PALD1: variants seen among roughly 807,000 people sequenced by gnomAD.
PALD1 encodes the protein paladin.
A neutral mutation model predicts 96.0 loss-of-function variants in PALD1; 57 were observed. The ratio of observed to expected loss-of-function variants is 0.59; its 90% confidence interval spans 0.48 to 0.74. The LOEUF is 0.74. Among genes scored for constraint, PALD1 ranks in the 30% least tolerant of loss-of-function variants. The pLI is 0.00. For synonymous variants in PALD1, 464 were observed against 473.6 expected (o/e 0.98, Z 0.26); for missense variants, 1,063 against 1,143.7 (o/e 0.93, Z 1.02).
At chr10:70,497,660 G>A (rs754594933) in intron 1 of PALD1, among the ~76,000 whole-genome samples, 1 of 151,070 alleles carries the variant, frequency 6.6e-6, no homozygotes, top group Non-Finnish European at 1.5e-5. Flanking sequence ...TCTGCCTCCC[G>A]AGTTCAAGCG....
At chr10:70,564,223 C>A in intron 18 of PALD1, 141 bp from the exon 19 acceptor site, 2 of 854,904 alleles carry the variant, frequency 2.3e-6, no homozygotes, top group Non-Finnish European at 3.6e-6. Flanking sequence ...CATTGCTTGT[C>A]CTGTAACCCA....
chr10:70,541,075 G>A, intron 15 of PALD1, 27 bp from the exon 16 acceptor site: 2 of 1,570,968 alleles, frequency 1.3e-6, no homozygotes, highest in Non-Finnish European at 1.7e-6. Context: ...GACGCCCGCT[G>A]ACCCAGACCT....
rs1269952697 is a variant in PALD1, at chr10:70,498,875, C to T, written c.-30+19816C>T. On this transcript the variant is annotated intron_variant, in intron 1 of 19. Coordinates refer to ENST00000263563, the MANE Select transcript of PALD1 (RefSeq NM_014431.3). ...CCTAGGAGGCAGAAGTTACAGTGAG[C>T]CAAGATCGCCCCATTGCACTCCAGA... Among the ~76,000 whole-genome samples the T allele has an allele frequency of 2.6e-5, 4 of 151,534 alleles. 1 individual carries two copies. The highest frequency in any genetic ancestry group is 4.2e-4 in the South Asian group (2 of 4,796).
In PALD1 at chr10:70,498,428, T is replaced by C. The variant is rs114105950; in HGVS notation, c.-30+19369T>C. ...CCAAGTAGCTGGGACCACAGGAGTG[T>C]GCGCCACACCTGGCTAATCTTTAAA... On this transcript the variant is annotated intron_variant, in intron 1 of 19. Transcript: ENST00000263563. 9.1e-3 allele frequency among the ~76,000 whole-genome samples: 1,390 copies of C among 152,182 alleles called. 27 individuals are homozygous for C. The highest frequency in any genetic ancestry group is 0.032 in the African/African-American group (1,312 of 41,518).
rs767755921 is a variant in PALD1, at chr10:70,541,524, G to T, written c.2111G>T (p.Gly704Val). 6.2e-7 allele frequency: 1 copy of T among 1,613,094 alleles called. No individual in the cohort carries two copies. Among genetic ancestry groups the T allele is most frequent in the Non-Finnish European group, 8.5e-7 (1 of 1,179,426 alleles). ...GTGCCTGATGCCAAGTTCACTAAGG[G>T]TGAATTTCAGGTGAGCATGCCCTGC... ...VSVPDAKFTK[G>V]EFQVVMKVVQ... The change falls in exon 17 of 20, where the codon GGT becomes GTT. Residue 704 changes from glycine to valine, a missense_variant. Coordinates refer to ENST00000263563, the MANE Select transcript of PALD1 (RefSeq NM_014431.3).
chr10:70,495,346 T>TC (rs1430961005), intron 1 of PALD1, among the ~76,000 whole-genome samples: 1 of 142,044 alleles, frequency 7.0e-6, no homozygotes, highest in East Asian at 2.5e-4. Flanking sequence ...CCTCCCTCCC[T>TC]CTCCTTCTCT....
At chr10:70,556,308 G>GTCTCTGTC (rs755349286) in intron 18 of PALD1, among the ~76,000 whole-genome samples, 7,340 of 68,206 alleles carry the variant, frequency 0.11, 443 homozygotes, top group African/African-American at 0.27. Context: ...CTCTCTCTCT[G>GTCTCTGTC]TCTCTGTCTC....
chr10:70,463,394 C>T, the PALD1 span, among the ~76,000 whole-genome samples: 41 of 151,684 alleles, frequency 2.7e-4, no homozygotes, highest in Middle Eastern at 3.4e-3. Context: ...AGCGAGACTC[C>T]GTCTCAAAAA....
chr10:70,518,052 C>T (rs1173898109), intron 1 of PALD1, among the ~76,000 whole-genome samples: 1 of 151,978 alleles, frequency 6.6e-6, no homozygotes, highest in East Asian at 1.9e-4. Context: ...TACAGGCATG[C>T]GCCATCACGC....
chr10:70,486,913 A>T (rs1846023891), intron 1 of PALD1, among the ~76,000 whole-genome samples: 1 of 152,086 alleles, frequency 6.6e-6, no homozygotes, highest in African/African-American at 2.4e-5. Flanking sequence ...AGTCTCCTGC[A>T]GGGTTGCCCT....
chr10:70,487,051 T>C (rs1300864042), intron 1 of PALD1, among the ~76,000 whole-genome samples: 1 of 150,978 alleles, frequency 6.6e-6, no homozygotes, highest in African/African-American at 2.4e-5. Context: ...TAGTCTCTGC[T>C]CCAGGGGGCT....
intron 10 of PALD1, among the ~76,000 whole-genome samples, chr10:70,535,202 A>G (rs775838873): frequency 6.6e-6 from 1 of 152,220 alleles, no homozygotes; most frequent in Admixed American, 6.5e-5. Flanking sequence ...GGTTTGGTCC[A>G]GCTGGCTGCT....
the PALD1 span, among the ~76,000 whole-genome samples, chr10:70,466,724 G>A: frequency 1.3e-5 from 2 of 152,176 alleles, no homozygotes; most frequent in Non-Finnish European, 2.9e-5. Context: ...AGCCCTCCTT[G>A]AGAAGCGTGA....
intron 17 of PALD1, among the ~76,000 whole-genome samples, chr10:70,545,249 C>G (rs1037018462): frequency 2.6e-5 from 4 of 152,052 alleles, no homozygotes; most frequent in Non-Finnish European, 4.4e-5. Context: ...GTGCGGGGAG[C>G]CTTTAGACCC....
intron 1 of PALD1, among the ~76,000 whole-genome samples, chr10:70,498,958 T>C (rs1846244568): frequency 6.6e-6 from 1 of 152,056 alleles, no homozygotes; most frequent in Non-Finnish European, 1.5e-5. Context: ...TCATACGTCT[T>C]TGGGATTGAG....
rs112574716 is a variant in PALD1, at chr10:70,556,279, C to CCTCTCTCTCT, written c.2263-8066_2263-8057dup. ...GGGCACATGTTCTCAGTAGCCGAGACCTCTCTCTCTCTCTCTCTCTCTCTC... is the reference window on the plus strand; with the variant it reads ...GGGCACATGTTCTCAGTAGCCGAGACCTCTCTCTCTCTCTCTCTCTCTCTCTCTCTCTCTC... On this transcript the variant is annotated intron_variant, in intron 18 of 19. Transcript: ENST00000263563. Among the ~76,000 whole-genome samples, 405 of 128,728 alleles carry CCTCTCTCTCT rather than the reference C, an allele frequency of 3.1e-3. 4 individuals are homozygous for CCTCTCTCTCT. Among genetic ancestry groups the CCTCTCTCTCT allele is most frequent in the African/African-American group, 0.01 (353 of 34,380 alleles). The allele number at this position is 128,728 out of a possible 152,430, so 84.5% of individuals were successfully genotyped here. A position where few individuals can be genotyped will look rare whatever the true frequency, so the allele number is the denominator to read the frequency against.
intron 19 of PALD1, among the ~76,000 whole-genome samples, chr10:70,565,138 T>C (rs963613592): frequency 6.6e-6 from 1 of 152,248 alleles, no homozygotes; most frequent in African/African-American, 2.4e-5. Flanking sequence ...ACACTGTGAT[T>C]GTCGCTCTCC....
At chr10:70,528,410 C>T (rs1374708029) in intron 2 of PALD1, among the ~76,000 whole-genome samples, 1 of 152,040 alleles carries the variant, frequency 6.6e-6, no homozygotes, top group Non-Finnish European at 1.5e-5. Flanking sequence ...AGGCACTGGG[C>T]TAAGCACTTA....
intron 1 of PALD1, among the ~76,000 whole-genome samples, chr10:70,500,570 A>T (rs937021211): frequency 4.6e-5 from 7 of 152,120 alleles, no homozygotes; most frequent in African/African-American, 1.7e-4. Context: ...AATGTTGCTC[A>T]TCCTTTAAGT....
Sources: allele counts gnomAD v4.1 joint callset (sites outside exome capture counted in the v4.1 genomes callset), GRCh38; gene constraint gnomAD v4.1.1; transcripts MANE v1.5; gene names NCBI Gene and HGNC (gene_info 2026-07-23, HGNC 2026-07-21).